RAP1GAP2: variants seen among roughly 807,000 people sequenced by gnomAD.
The protein encoded by RAP1GAP2 is rap1 GTPase-activating protein 2.
In RAP1GAP2, 27 loss-of-function variants were observed where a neutral mutation model predicts 95.0. That is an observed-to-expected ratio of 0.28 (90% confidence interval 0.21 to 0.39). The LOEUF is 0.39. Among genes scored for constraint, RAP1GAP2 ranks in the 10% least tolerant of loss-of-function variants. RAP1GAP2 has a pLI of 1.00. For missense variants in RAP1GAP2, 771 were observed against 970.0 expected (o/e 0.79, Z 2.72); for synonymous variants, 373 against 380.9 (o/e 0.98, Z 0.24).
At chr17:2,927,982 G>A (rs569351392) in intron 3 of RAP1GAP2, among the ~76,000 whole-genome samples, 15 of 152,222 alleles carry the variant, frequency 9.9e-5, no homozygotes, top group Non-Finnish European at 1.8e-4. Flanking sequence ...TTTCCACAGA[G>A]AGAAGAGGGA....
chr17:2,951,307 T>G (rs949083685), intron 3 of RAP1GAP2, among the ~76,000 whole-genome samples: 2 of 152,230 alleles, frequency 1.3e-5, no homozygotes, highest in Non-Finnish European at 2.9e-5. Context: ...CCCCTCTCTA[T>G]CCAGTGATTT....
rs2047145669 is a variant in RAP1GAP2, at chr17:3,027,075, G to C, written c.2107+5G>C. On this transcript the variant is annotated splice_donor_5th_base_variant and intron_variant, in intron 22 of 24. Transcript: ENST00000254695. This position sits in a 1 kb window ranked among gnomAD's most constrained non-coding sequence, Gnocchi z 5.2. ...TCATGAGCCGGAGTCCCACAGGTCAGTGGCATCTGGTGGTGTGTGTGACGT... is the reference window on the plus strand; with the variant it reads ...TCATGAGCCGGAGTCCCACAGGTCACTGGCATCTGGTGGTGTGTGTGACGT... 1.9e-6 allele frequency: 3 copies of C among 1,571,632 alleles called. No homozygotes were observed. Among genetic ancestry groups the C allele is most frequent in the East Asian group, 2.4e-5 (1 of 42,438 alleles).
Position 2,957,637 on chromosome 17 carries a change from A to C in RAP1GAP2, c.166-122A>C. ...TCAAATTATCTTCTCTGTTGATCCA[A>C]ATGAATTTTGTCCCTGGGGAAGCCC... is the stretch of plus-strand genomic sequence containing the variant. On this transcript the variant is annotated intron_variant, in intron 3 of 24. Coordinates refer to ENST00000254695, the MANE Select transcript of RAP1GAP2 (RefSeq NM_015085.5). 8 of 1,131,640 alleles carry C rather than the reference A, an allele frequency of 7.1e-6. No homozygotes were observed. In the South Asian group the frequency reaches 1.0e-4, roughly 15 times the overall value. The allele number at this position is 1,131,640 out of a possible 1,614,324, so 70.1% of individuals were successfully genotyped here.
intron 1 of RAP1GAP2, among the ~76,000 whole-genome samples, chr17:2,766,210 A>G (rs1261907491): frequency 6.6e-6 from 1 of 152,078 alleles, no homozygotes; most frequent in African/African-American, 2.4e-5. Flanking sequence ...CCATTCTACC[A>G]CGGCGCCTTT....
intron 2 of RAP1GAP2, among the ~76,000 whole-genome samples, chr17:2,878,259 G>A (rs1036963453): frequency 6.6e-6 from 1 of 152,110 alleles, no homozygotes; most frequent in South Asian, 2.1e-4. Context: ...CTAGGAGGAG[G>A]AGCAGGTTGG....
chr17:2,875,688 G>A (rs1008565807), intron 2 of RAP1GAP2, among the ~76,000 whole-genome samples: 11 of 152,044 alleles, frequency 7.2e-5, no homozygotes, highest in Admixed American at 2.6e-4. Flanking sequence ...GACAGTGAAT[G>A]TCTTGTCCTC....
At chr17:3,014,545 ATTTTTTTT>A (rs10542901) in intron 17 of RAP1GAP2, among the ~76,000 whole-genome samples, 12 of 105,100 alleles carry the variant, frequency 1.1e-4, no homozygotes, top group Non-Finnish European at 1.7e-4. Flanking sequence ...AAAGATGCTG[ATTTTTTTT>A]TTTTTTTTTT....
intron 2 of RAP1GAP2, among the ~76,000 whole-genome samples, chr17:2,876,260 A>T (rs1390743905): frequency 1.3e-5 from 2 of 152,130 alleles, no homozygotes; most frequent in African/African-American, 4.8e-5. Context: ...AGATGAAAAG[A>T]GTCCAACTCT....
chr17:2,810,522 C>CCT (rs1567668799), intron 2 of RAP1GAP2, among the ~76,000 whole-genome samples: 11 of 69,398 alleles, frequency 1.6e-4, no homozygotes, highest in East Asian at 4.1e-4. Context: ...TCCCCCCACC[C>CCT]TTTTTTTTTT....
intron 8 of RAP1GAP2, among the ~76,000 whole-genome samples, chr17:2,977,952 G>C (rs373319026): frequency 1.2e-4 from 18 of 152,198 alleles, no homozygotes; most frequent in African/African-American, 4.3e-4. Context: ...AAGACCCCCA[G>C]TGGATGCCCA....
chr17:3,009,314 A>G (rs2046436150), intron 17 of RAP1GAP2, among the ~76,000 whole-genome samples: 1 of 152,262 alleles, frequency 6.6e-6, no homozygotes, highest in Non-Finnish European at 1.5e-5. Flanking sequence ...AGCTTCACAC[A>G]CATTATCCCA....
chr17:2,956,811 A>C (rs1219600288), intron 3 of RAP1GAP2, among the ~76,000 whole-genome samples: 2 of 152,134 alleles, frequency 1.3e-5, no homozygotes, highest in East Asian at 3.9e-4. Context: ...AAAGGTTTGG[A>C]CAAGTGCAAT....
At chr17:2,787,196 C>T (rs1048865127) in intron 1 of RAP1GAP2, among the ~76,000 whole-genome samples, 1 of 151,940 alleles carries the variant, frequency 6.6e-6, no homozygotes, top group Admixed American at 6.6e-5. Context: ...AGTGATCCAC[C>T]CCACCATGGC....
At chr17:2,901,274 G>A in intron 2 of RAP1GAP2, among the ~76,000 whole-genome samples, 1 of 152,184 alleles carries the variant, frequency 6.6e-6, no homozygotes, top group Non-Finnish European at 1.5e-5. Context: ...AGGTGGCAGA[G>A]GCTCTCTGAC....
intron 19 of RAP1GAP2, among the ~76,000 whole-genome samples, chr17:3,022,019 A>C (rs2046979350): frequency 6.6e-6 from 1 of 152,118 alleles, no homozygotes; most frequent in Non-Finnish European, 1.5e-5. Flanking sequence ...GGATTGCTAG[A>C]TCATATGGTA....
At chr17:2,853,662 C>G (rs2071987163) in intron 2 of RAP1GAP2, among the ~76,000 whole-genome samples, 1 of 144,218 alleles carries the variant, frequency 6.9e-6, no homozygotes, top group Non-Finnish European at 1.5e-5. Flanking sequence ...GCGCGGGAGG[C>G]GGGGCCGGGG....
At chr17:3,016,274 AG>A in intron 17 of RAP1GAP2, among the ~76,000 whole-genome samples, 1 of 152,332 alleles carries the variant, frequency 6.6e-6, no homozygotes, top group African/African-American at 2.4e-5. Context: ...CAGCGCACCC[AG>A]TGGATATGCC....
At chr17:2,793,556 G>C (rs1047940925), upstream of RAP1GAP2, among the ~76,000 whole-genome samples, 2 of 152,268 alleles carry the variant, frequency 1.3e-5, no homozygotes, top group Non-Finnish European at 2.9e-5. Context: ...TCTGCACCCA[G>C]CATGGTGCTT....
intron 2 of RAP1GAP2, among the ~76,000 whole-genome samples, chr17:2,900,314 C>T (rs1401639252): frequency 6.6e-6 from 1 of 152,226 alleles, no homozygotes; most frequent in East Asian, 1.9e-4. Flanking sequence ...CGGCCTTGGA[C>T]TCTTGCTTCT....
Sources: gnomAD v4.1 joint callset for allele counts (sites outside exome capture counted in the v4.1 genomes callset) on GRCh38, gnomAD v4.1.1 for gene constraint, Gnocchi (gnomAD v3.1) non-coding constraint, MANE v1.5 for transcripts, NCBI Gene and HGNC (gene_info 2026-07-23, HGNC 2026-07-21) for gene names.